The following VWA5B1 variants were observed in gnomAD, a reference collection of about 807,000 sequenced individuals.
VWA5B1 encodes von Willebrand factor A domain containing 5B1.
A neutral mutation model predicts 118.2 loss-of-function variants in VWA5B1; 115 were observed. The observed-to-expected ratio is 0.97, with a 90% CI of 0.84 to 1.14. The LOEUF (loss-of-function observed/expected upper bound fraction) is 1.14. Ranked by LOEUF, VWA5B1 falls within the 50% of genes most tolerant of loss-of-function variation. The pLI is 0.00. For missense variants in VWA5B1, 1,596 were observed against 1,603.8 expected (o/e 1.00, Z 0.08); for synonymous variants, 682 against 658.4 (o/e 1.04, Z -0.55).
At chr1:20,345,352 A>C in intron 16 of VWA5B1, 104 bp from the exon 17 acceptor site, 1 of 1,468,548 alleles carries the variant, frequency 6.8e-7, no homozygotes. Flanking sequence ...TTAATCCCAA[A>C]GATGGGGACC....
intron 12 of VWA5B1, among the ~76,000 whole-genome samples, 155 bp from the exon 13 acceptor site, chr1:20,336,148 G>A (rs955012102): frequency 1.3e-5 from 2 of 152,184 alleles, no homozygotes; most frequent in Non-Finnish European, 2.9e-5. Context: ...ACAGAAGTTT[G>A]TCTCAATTCC....
chr1:20,349,985 G>A (rs1239800613), intron 18 of VWA5B1, among the ~76,000 whole-genome samples, 171 bp from the exon 19 acceptor site: 2 of 152,132 alleles, frequency 1.3e-5, no homozygotes, highest in African/African-American at 4.8e-5. Context: ...TTATGGTGGG[G>A]CAACGGTTAT....
intron 11 of VWA5B1, among the ~76,000 whole-genome samples, chr1:20,331,835 A>G (rs765537767): frequency 6.6e-5 from 10 of 152,046 alleles, no homozygotes; most frequent in Non-Finnish European, 1.2e-4. Context: ...TCTTGAAGAG[A>G]GATTTGAAAG....
rs57894456 is a variant in VWA5B1 at position 20,291,387 on chromosome 1, T to TCTCTCTCTCTCTCTCTCTC, written c.-27+299_-27+300insCTCTCTCTCTCTCTCTCTC. Among the ~76,000 whole-genome samples the TCTCTCTCTCTCTCTCTCTC allele has an allele frequency of 1.6e-3, 187 of 114,196 alleles. 4 individuals carry two copies. Among genetic ancestry groups the TCTCTCTCTCTCTCTCTCTC allele is most frequent in the East Asian group, 9.7e-3 (34 of 3,522 alleles). 74.9% of individuals were successfully genotyped at this position (114,196 alleles called of 152,430 possible). On this transcript the variant is annotated intron_variant, in intron 1 of 21. Transcript: ENST00000289815. ...TCTCTCTCTCTCTCTCTCTCTCTCT[T>TCTCTCTCTCTCTCTCTCTC]TCTGTCTCCTCTATTTCTCTCCCTC...
intron 21 of VWA5B1, among the ~76,000 whole-genome samples, chr1:20,353,030 G>A (rs2090160085): frequency 6.6e-6 from 1 of 152,138 alleles, no homozygotes; most frequent in South Asian, 2.1e-4. Flanking sequence ...ACAGGGGGTG[G>A]ACATCTAGAC....
chr1:20,316,845 T>C (rs79507301), intron 4 of VWA5B1, among the ~76,000 whole-genome samples: 6,655 of 152,172 alleles, frequency 0.044, 199 homozygotes, highest in Middle Eastern at 0.088. Flanking sequence ...ACAAACTCTT[T>C]CACCATGGAG....
intron 3 of VWA5B1, 87 bp from the exon 4 acceptor site, chr1:20,314,235 T>C: frequency 7.3e-7 from 1 of 1,373,770 alleles, no homozygotes; most frequent in African/African-American, 1.4e-5. Flanking sequence ...ATCAGCAAAA[T>C]GGGCCACTCA....
Position 20,336,431 on chromosome 1 carries a change from C to G in VWA5B1, c.1887C>G (p.Ile629Met), listed in dbSNP as rs980432990. The G allele has an allele frequency of 1.3e-6, 2 of 1,506,980 alleles. No individual in the cohort carries two copies. The highest frequency in any genetic ancestry group is 5.1e-5 in the East Asian group (2 of 39,130). The allele number at this position is 1,506,980 out of a possible 1,614,324, so 93.4% of individuals were successfully genotyped here. A position where few individuals can be genotyped will look rare whatever the true frequency, so the allele number is the denominator to read the frequency against. The change falls in exon 13 of 22, where the codon ATC (isoleucine) becomes ATG (methionine). Residue 629 changes from isoleucine (I) to methionine (M), a missense_variant. By Grantham distance (10) the Ile-to-Met change is conservative. Coordinates refer to ENST00000289815, the MANE Select transcript of VWA5B1 (RefSeq NM_001039500.3). The stretch of plus-strand genomic sequence containing the variant: ...CCAAGAACTCGGGGGCACCCTTCAT[C>G]CTAGGGCAGGCCAAAAATGCCCGGC... ...DCAKNSGAPF[I>M]LGQAKNARLA...
chr1:20,312,766 G>T lies in VWA5B1; in HGVS notation c.140-70G>T, dbSNP rs146161197. The T allele has an allele frequency of 0.015, 22,499 of 1,459,510 alleles. 244 individuals carry two copies. Among genetic ancestry groups the T allele is most frequent in the Non-Finnish European group, 0.018 (20,103 of 1,098,402 alleles). 90.4% of individuals were successfully genotyped at this position (1,459,510 alleles called of 1,614,324 possible). Reference sequence around the variant, plus strand: ...CCCAACAGGCAGACCAAGGGTTCAGGTTCCTTCCAGGCAAGGGGTGTGCAG... The same window carrying T: ...CCCAACAGGCAGACCAAGGGTTCAGTTTCCTTCCAGGCAAGGGGTGTGCAG... On this transcript the variant is annotated intron_variant, in intron 2 of 21. Coordinates refer to ENST00000289815, the MANE Select transcript of VWA5B1 (RefSeq NM_001039500.3).
chr1:20,297,996 A>ATTTTTTTTTTTTTTTTTTTTTTTTTTTT (rs60497976), intron 1 of VWA5B1, among the ~76,000 whole-genome samples: 6 of 126,644 alleles, frequency 4.7e-5, no homozygotes, highest in East Asian at 2.6e-4. Flanking sequence ...TCGGTGGTGG[A>ATTTTTTTTTTTTTTTTTTTTTTTTTTTT]TTTTTTTTTT....
intron 21 of VWA5B1, 69 bp downstream of exon 21, chr1:20,352,241 C>A: frequency 8.7e-7 from 1 of 1,145,294 alleles, no homozygotes; most frequent in Non-Finnish European, 1.2e-6. Context: ...CCTGTGATCC[C>A]CCTGCCCACC....
chr1:20,323,642 A>C (rs1214159953), intron 8 of VWA5B1, 110 bp downstream of exon 8: 1 of 1,186,048 alleles, frequency 8.4e-7, no homozygotes, highest in African/African-American at 1.6e-5. Context: ...CAACTTTTAA[A>C]AATCAGTTTA....
chr1:20,327,844 C>A, intron 8 of VWA5B1, 46 bp from the exon 9 acceptor site: 1 of 1,495,844 alleles, frequency 6.7e-7, no homozygotes, highest in Non-Finnish European at 9.1e-7. Context: ...GGCCGAGTGA[C>A]AAGAACTCCT....
In VWA5B1 at chr1:20,312,886, G is replaced by T; in HGVS notation, c.190G>T (p.Ala64Ser). Residue 64 changes from alanine to serine, a missense_variant, in exon 3 of 22, where the codon GCA (alanine) becomes TCA (serine). Physicochemically the swap from Ala to Ser is moderately conservative, Grantham distance 99. Coordinates refer to ENST00000289815, the MANE Select transcript of VWA5B1 (RefSeq NM_001039500.3). ...DECTTVIGFE[A>S]VIADRVVTVQ... The stretch of plus-strand genomic sequence containing the variant: ...GTGCACCACGGTGATCGGCTTTGAG[G>T]CAGTCATTGCCGACCGTGTCGTGAC... 6.4e-7 allele frequency: 1 copy of T among 1,551,688 alleles called. No individual in the cohort carries two copies. Among genetic ancestry groups the T allele is most frequent in the Non-Finnish European group, 8.7e-7 (1 of 1,146,980 alleles).
intron 4 of VWA5B1, among the ~76,000 whole-genome samples, chr1:20,316,364 T>C (rs1220262749): frequency 6.6e-6 from 1 of 152,160 alleles, no homozygotes; most frequent in African/African-American, 2.4e-5. Flanking sequence ...TACAATGTAA[T>C]GGATGCCCCC....
At chr1:20,304,182 T>C (rs930793030) in intron 1 of VWA5B1, among the ~76,000 whole-genome samples, 1 of 152,140 alleles carries the variant, frequency 6.6e-6, no homozygotes, top group Admixed American at 6.5e-5. Flanking sequence ...GATGAGTGGT[T>C]ACAGTGCCGC....
At position 20,345,578 on chromosome 1, in the gene VWA5B1, G is replaced by C; in HGVS notation, c.2749G>C (p.Glu917Gln). 1 of 1,549,760 alleles carries C rather than the reference G, an allele frequency of 6.5e-7. No individual in the cohort carries two copies. The highest frequency in any genetic ancestry group is 1.2e-5 in the South Asian group (1 of 83,898). Residue 917 changes from glutamate (E) to glutamine (Q), a missense_variant, in exon 17 of 22, where the codon GAG (glutamate) becomes CAG (glutamine). Physicochemically the swap from Glu to Gln is conservative, Grantham distance 29. Transcript: ENST00000289815. ...GAGCCGGTACCTGCCCACCGTGGTG[G>C]AGTACCCCAACTCTGGTAAGGCAGG... Reference protein sequence around the residue: ...SKSRYLPTVVEYPNSGAALRM... With the variant: ...SKSRYLPTVVQYPNSGAALRM...
Position 20,310,678 on chromosome 1 carries a change from G to T in VWA5B1, c.77G>T (p.Gly26Val). Residue 26 changes from glycine to valine, a missense_variant, in exon 2 of 22, where the codon GGT becomes GTT. Gly to Val is a moderately radical substitution (Grantham distance 109). Coordinates refer to ENST00000289815, the MANE Select transcript of VWA5B1 (RefSeq NM_001039500.3). ...TCTGATGTTACCTCCTGTGTCAGCGGTTATGCCCTGGGCCTAACTGCCTCC... is the reference window on the plus strand; with the variant it reads ...TCTGATGTTACCTCCTGTGTCAGCGTTTATGCCCTGGGCCTAACTGCCTCC... ...TASDVTSCVS[G>V]YALGLTASLT... 1 of 1,551,098 alleles carries T rather than the reference G, an allele frequency of 6.4e-7. No individual in the cohort carries two copies. The highest frequency in any genetic ancestry group is 8.7e-7 in the Non-Finnish European group (1 of 1,146,764).
chr1:20,327,897 T>C lies in VWA5B1; in HGVS notation c.1151T>C (p.Met384Thr), dbSNP rs1005113635. 1.9e-6 allele frequency: 3 copies of C among 1,551,472 alleles called. No individual in the cohort carries two copies. Among genetic ancestry groups the C allele is most frequent in the Non-Finnish European group, 2.6e-6 (3 of 1,146,930 alleles). The change falls in exon 9 of 22, where the codon ATG (methionine) becomes ACG (threonine). Residue 384 changes from methionine (M) to threonine (T), a missense_variant. Met to Thr is a moderately conservative substitution (Grantham distance 81). Coordinates refer to ENST00000289815, the MANE Select transcript of VWA5B1 (RefSeq NM_001039500.3). ...CCCTTTCTCTCCTGCCAGGATGCCA[T>C]GTTGGTGGCCCTTAAGAGCCTCATG... ...GISMHRVKDAMLVALKSLMPA... is the reference protein window; with the variant it reads ...GISMHRVKDATLVALKSLMPA...
Sources: allele counts gnomAD v4.1 joint callset (sites outside exome capture counted in the v4.1 genomes callset), GRCh38; gene constraint gnomAD v4.1.1; transcripts MANE v1.5; gene names NCBI Gene and HGNC (gene_info 2026-07-23, HGNC 2026-07-21).